Variants in SLC15A2 observed in about 807,000 individuals in gnomAD.
SLC15A2 encodes solute carrier family 15 member 2.
A neutral mutation model predicts 95.5 loss-of-function variants in SLC15A2; 77 were observed. The ratio of observed to expected loss-of-function variants is 0.81; its 90% CI spans 0.67 to 0.97. SLC15A2 has a LOEUF of 0.97. Ranked by LOEUF, SLC15A2 falls within the 50% of genes least tolerant of loss-of-function variation. The pLI, the probability that SLC15A2 is intolerant of heterozygous loss-of-function variation, is 0.00. For synonymous variants in SLC15A2, 306 were observed against 306.9 expected (o/e 1.00, Z 0.03); for missense variants, 893 against 874.4 (o/e 1.02, Z -0.27).
intron 3 of SLC15A2, 63 bp downstream of exon 3, chr3:121,897,592 C>A (rs1214765294): frequency 6.4e-7 from 1 of 1,553,760 alleles, no homozygotes; most frequent in Admixed American, 1.8e-5. Context: ...GCTATCACTT[C>A]TAGCCTCTTG....
intron 19 of SLC15A2, among the ~76,000 whole-genome samples, chr3:121,933,509 C>G (rs1710273788): frequency 6.6e-6 from 1 of 152,060 alleles, no homozygotes; most frequent in African/African-American, 2.4e-5. Context: ...TCTCTGATGG[C>G]CAGTGATGAT....
intron 3 of SLC15A2, among the ~76,000 whole-genome samples, chr3:121,899,668 A>G (rs183445753): frequency 1.3e-5 from 2 of 152,322 alleles, no homozygotes; most frequent in African/African-American, 4.8e-5. Context: ...ATTTAATTCA[A>G]TAAATGTTTA....
At chr3:121,914,536 C>G (rs1378355194) in intron 5 of SLC15A2, among the ~76,000 whole-genome samples, 1 of 152,208 alleles carries the variant, frequency 6.6e-6, no homozygotes, top group Non-Finnish European at 1.5e-5. Context: ...ACTCCACTGT[C>G]CTATGTTCTG....
rs759433421 is a variant in SLC15A2, at chr3:121,939,417, G to A, written c.1830G>A (p.Trp610Ter). The change falls in exon 20 of 22, where the codon TGG becomes TGA. Residue 610 changes from tryptophan to a stop codon, truncating the protein, a stop_gained. Transcript: ENST00000489711. LOFTEE classifies it high-confidence loss of function. ...CAGCCAACAAAATGTCCATTGCGTG[G>A]CAGCTACCACAATATGCCCTGGTTA... is the stretch of plus-strand genomic sequence containing the variant. ...DIPANKMSIA[W>*]QLPQYALVTA... is the part of the protein sequence containing the mutation. The A allele has an allele frequency of 3.0e-5, 47 of 1,580,842 alleles. No homozygotes were observed. The highest frequency in any genetic ancestry group is 4.0e-5 in the Non-Finnish European group (46 of 1,164,042).
chr3:121,921,441 C>T (rs1397512945), intron 7 of SLC15A2, among the ~76,000 whole-genome samples: 1 of 151,590 alleles, frequency 6.6e-6, no homozygotes, highest in Non-Finnish European at 1.5e-5. Context: ...AGCAGTGTAA[C>T]CTTGTACAAG....
At position 121,897,502 on chromosome 3, in the gene SLC15A2, T is replaced by C; in HGVS notation, c.308T>C (p.Ile103Thr). The C allele has an allele frequency of 3.1e-6, 5 of 1,614,046 alleles. No individual in the cohort carries two copies. Among genetic ancestry groups the C allele is most frequent in the Non-Finnish European group, 4.2e-6 (5 of 1,179,972 alleles). Residue 103 changes from isoleucine (I) to threonine (T), a missense_variant, in exon 3 of 22, where the codon ATT (isoleucine) becomes ACT (threonine). By Grantham distance (89) the Ile-to-Thr change is moderately conservative. Coordinates refer to ENST00000489711, the MANE Select transcript of SLC15A2 (RefSeq NM_021082.4). ...TTTACTCCCATCCTGGGAGCAGCCA[T>C]TGCTGACTCGTGGTTGGGAAAATTC... ...CYFTPILGAAIADSWLGKFKT... is the reference protein window; with the variant it reads ...CYFTPILGAATADSWLGKFKT...
At chr3:121,930,080 G>T (rs1710201207) in intron 17 of SLC15A2, among the ~76,000 whole-genome samples, 1 of 152,200 alleles carries the variant, frequency 6.6e-6, no homozygotes, top group Non-Finnish European at 1.5e-5. Context: ...ACAATGTGAG[G>T]TCAGAGAGCC....
intron 3 of SLC15A2, among the ~76,000 whole-genome samples, chr3:121,898,836 G>T (rs1709469220): frequency 6.6e-6 from 1 of 152,100 alleles, no homozygotes; most frequent in Non-Finnish European, 1.5e-5. Context: ...ATGGTTTATA[G>T]CTTACTTTGG....
intron 8 of SLC15A2, 23 bp from the exon 9 acceptor site, chr3:121,922,752 A>G (rs769322866): frequency 6.3e-7 from 1 of 1,584,678 alleles, no homozygotes; most frequent in Admixed American, 1.7e-5. Context: ...TGTCTCTCCC[A>G]TGATGTCTAC....
intron 5 of SLC15A2, among the ~76,000 whole-genome samples, chr3:121,913,330 G>A (rs1159561323): frequency 6.6e-6 from 1 of 152,172 alleles, no homozygotes; most frequent in Non-Finnish European, 1.5e-5. Flanking sequence ...GAACTAAAAG[G>A]TATGTCTTAT....
intron 7 of SLC15A2, among the ~76,000 whole-genome samples, chr3:121,916,490 A>G (rs1289032420): frequency 6.6e-6 from 1 of 152,126 alleles, no homozygotes; most frequent in Non-Finnish European, 1.5e-5. Context: ...TGCTCAGTGT[A>G]TTTTCTACCA....
rs373819289 is a variant in SLC15A2, at chr3:121,922,999, G to C, written c.868-41G>C. 7 of 1,600,686 alleles carry C rather than the reference G, an allele frequency of 4.4e-6. No homozygotes were observed. The African/African-American group carries it at 5.4e-5, about 12-fold the overall frequency. ...ACTTTAAGCAAGAAAGCCATGTACA[G>C]AACTTCTAGCATTTCTGCCCATTCT... is the stretch of plus-strand genomic sequence containing the variant. On this transcript the variant is annotated intron_variant, in intron 9 of 21. Coordinates refer to ENST00000489711, the MANE Select transcript of SLC15A2 (RefSeq NM_021082.4).
At chr3:121,935,970 G>C (rs538226894) in intron 19 of SLC15A2, among the ~76,000 whole-genome samples, 43 of 152,092 alleles carry the variant, frequency 2.8e-4, no homozygotes, top group African/African-American at 1.0e-3. Context: ...TTGTGTCTTT[G>C]TTCTCGTTGG....
intron 3 of SLC15A2, among the ~76,000 whole-genome samples, chr3:121,909,759 G>T (rs9836339): frequency 0.45 from 67,861 of 151,930 alleles, 15,677 homozygotes; most frequent in East Asian, 0.69. Context: ...GCCCAGGACA[G>T]CTTTGAATGT....
chr3:121,912,805 A>T (rs1158283672), intron 4 of SLC15A2, among the ~76,000 whole-genome samples: 1 of 152,176 alleles, frequency 6.6e-6, no homozygotes, highest in Non-Finnish European at 1.5e-5. Flanking sequence ...TTCCCACATA[A>T]TGCATACTTT....
chr3:121,901,896 T>C (rs1433495124), intron 3 of SLC15A2, among the ~76,000 whole-genome samples: 6 of 152,084 alleles, frequency 3.9e-5, no homozygotes, highest in Admixed American at 3.3e-4. Context: ...ACGTGTTACT[T>C]TGAGGGTGAA....
Position 121,901,845 on chromosome 3 carries a change from T to TTGTG in SLC15A2, c.335+4335_335+4338dup, listed in dbSNP as rs3047583. 4.0e-3 allele frequency among the ~76,000 whole-genome samples: 600 copies of TTGTG among 149,018 alleles called. 2 individuals carry two copies. Among genetic ancestry groups the TTGTG allele is most frequent in the African/African-American group, 0.011 (432 of 40,600 alleles). ...TATGTTTCTCTGCCTGAGTATGTGTTTGTGTGTGTGTGTGTGTGTGTGGTG... is the reference window on the plus strand; with the variant it reads ...TATGTTTCTCTGCCTGAGTATGTGTTTGTGTGTGTGTGTGTGTGTGTGTGTGGTG... On this transcript the variant is annotated intron_variant, in intron 3 of 21. Coordinates refer to ENST00000489711, the MANE Select transcript of SLC15A2 (RefSeq NM_021082.4).
intron 3 of SLC15A2, among the ~76,000 whole-genome samples, chr3:121,900,858 T>G (rs1402920154): frequency 6.6e-6 from 1 of 151,786 alleles, no homozygotes; most frequent in African/African-American, 2.4e-5. Flanking sequence ...CTAAACTCTA[T>G]CTTATTATAG....
chr3:121,904,662 G>T (rs1576671010), intron 3 of SLC15A2, among the ~76,000 whole-genome samples: 1 of 152,062 alleles, frequency 6.6e-6, no homozygotes, highest in South Asian at 2.1e-4. Flanking sequence ...TTTATTGATT[G>T]GCATATGTTG....
Sources: gnomAD v4.1 joint callset for allele counts (sites outside exome capture counted in the v4.1 genomes callset) on GRCh38, gnomAD v4.1.1 for gene constraint, MANE v1.5 for transcripts, NCBI Gene and HGNC (gene_info 2026-07-23, HGNC 2026-07-21) for gene names.